The following CDH3 variants were observed in gnomAD, a reference collection of about 807,000 sequenced individuals.
CDH3 encodes the protein cadherin-3.
In CDH3, 54 loss-of-function variants were observed where a neutral mutation model predicts 82.0. The observed-to-expected ratio is 0.66, with a 90% CI of 0.53 to 0.83. The LOEUF is 0.83. Ranked by LOEUF, CDH3 falls within the 40% of genes least tolerant of loss-of-function variation. CDH3 has a pLI of 0.00. For missense variants in CDH3, 1,054 were observed against 1,084.6 expected, an observed-to-expected ratio of 0.97 and a Z score of 0.40; for synonymous variants, 446 against 437.9, an observed-to-expected ratio of 1.02 and a Z score of -0.23.
intron 12 of CDH3, among the ~76,000 whole-genome samples, chr16:68,689,138 T>C (rs1014785463): frequency 2.6e-5 from 4 of 152,240 alleles, no homozygotes; most frequent in African/African-American, 7.2e-5. Context: ...GCTAGTTACC[T>C]AACTCCCTAA....
intron 2 of CDH3, among the ~76,000 whole-genome samples, chr16:68,661,557 G>A (rs974145998): frequency 3.3e-5 from 5 of 152,186 alleles, no homozygotes; most frequent in Non-Finnish European, 5.9e-5. Context: ...AAATTGTTGG[G>A]TCATGTGACT....
At chr16:68,651,296 T>C in intron 2 of CDH3, 3 of 549,432 alleles carry the variant, frequency 5.5e-6, no homozygotes, top group South Asian at 4.1e-5. Flanking sequence ...GGAGCCGTCA[T>C]GCCCATGTGG....
chr16:68,680,128 C>T (rs1342199665), intron 7 of CDH3, among the ~76,000 whole-genome samples, 154 bp downstream of exon 7: 1 of 152,258 alleles, frequency 6.6e-6, no homozygotes, highest in East Asian at 1.9e-4. Context: ...GTTCACATGC[C>T]ATGCCCCTGG....
chr16:68,698,402 C>T lies in CDH3; in HGVS notation c.*2C>T, dbSNP rs777390548. 1.5e-5 allele frequency: 25 copies of T among 1,613,314 alleles called. No homozygotes were observed. Among genetic ancestry groups the T allele is most frequent in the Middle Eastern group, 1.8e-4 (1 of 5,706 alleles). ...TACGGTGGCGGGGAGGACGACTAGG[C>T]GGCCTGCCTGCAGGGCTGGGGACCA... On this transcript the variant is annotated 3_prime_UTR_variant, in exon 16 of 16. Transcript: ENST00000264012.
chr16:68,703,282 C>T (rs1961918702), downstream of CDH3, among the ~76,000 whole-genome samples: 1 of 152,166 alleles, frequency 6.6e-6, no homozygotes, highest in Non-Finnish European at 1.5e-5. Flanking sequence ...AATTCCCGGC[C>T]CCCCATTTCT....
chr16:68,678,138 GAA>G lies in CDH3; in HGVS notation c.252_253del (p.Arg85ValfsTer33). The G allele has an allele frequency of 6.2e-7, 1 of 1,613,936 alleles. No individual in the cohort carries two copies. The highest frequency in any genetic ancestry group is 8.5e-7 in the Non-Finnish European group (1 of 1,179,804). ...AAGGAGTTTCTCTCCTTGCAGGAAA[GAA>G]GGTCACTGAAGGAAAGGAATCCATT... On this transcript the variant is annotated frameshift_variant, in exon 4 of 16. Coordinates refer to ENST00000264012, the MANE Select transcript of CDH3 (RefSeq NM_001793.6). LOFTEE classifies it high-confidence loss of function.
At chr16:68,678,405 A>G in intron 4 of CDH3, 96 bp from the exon 5 acceptor site, 5 of 1,583,462 alleles carry the variant, frequency 3.2e-6, no homozygotes, top group Non-Finnish European at 4.3e-6. Flanking sequence ...CAGTGAGCAG[A>G]TTCTCCTATG....
At chr16:68,704,147 C>T (rs1378710808), downstream of CDH3, among the ~76,000 whole-genome samples, 1 of 151,314 alleles carries the variant, frequency 6.6e-6, no homozygotes. Flanking sequence ...ATTAGCCGGG[C>T]GTGGTGGCGG....
At chr16:68,672,746 C>T (rs1010162430) in intron 2 of CDH3, among the ~76,000 whole-genome samples, 1 of 152,176 alleles carries the variant, frequency 6.6e-6, no homozygotes, top group Non-Finnish European at 1.5e-5. Flanking sequence ...ACATTCCAGC[C>T]TTCCCACAGA....
At chr16:68,718,065 A>G (rs1311449464) in intron 1 of CDH3, among the ~76,000 whole-genome samples, 1 of 151,960 alleles carries the variant, frequency 6.6e-6, no homozygotes, top group African/African-American at 2.4e-5. Flanking sequence ...ACTGGAGTGC[A>G]GTGGCACAAT....
downstream of CDH3, among the ~76,000 whole-genome samples, chr16:68,730,749 G>A (rs925296139): frequency 1.3e-5 from 2 of 151,650 alleles, no homozygotes; most frequent in Non-Finnish European, 2.9e-5. Context: ...GGCCGGGTGT[G>A]GTGGCTCACA....
At chr16:68,728,807 C>G (rs1962254699), downstream of CDH3, among the ~76,000 whole-genome samples, 1 of 152,174 alleles carries the variant, frequency 6.6e-6, no homozygotes, top group Non-Finnish European at 1.5e-5. Flanking sequence ...CCTACAGAAG[C>G]TTAGCATCCT....
chr16:68,722,777 A>G (rs891806586), intron 2 of CDH3, among the ~76,000 whole-genome samples: 1 of 151,988 alleles, frequency 6.6e-6, no homozygotes, highest in Non-Finnish European at 1.5e-5. Context: ...TGGGACCTTC[A>G]ACACAGATTT....
At chr16:68,733,635 A>G in the CDH3 span, among the ~76,000 whole-genome samples, 2 of 152,226 alleles carry the variant, frequency 1.3e-5, no homozygotes, top group African/African-American at 4.8e-5. Flanking sequence ...ACAGCTACTC[A>G]GGAGGCTGAG....
intron 13 of CDH3, among the ~76,000 whole-genome samples, chr16:68,694,161 A>G (rs1409003493): frequency 4.6e-5 from 7 of 151,832 alleles, no homozygotes; most frequent in Admixed American, 2.0e-4. Flanking sequence ...CTCTGTTTCA[A>G]AAATAAATAA....
Position 68,698,752 on chromosome 16 carries a change from T to C in CDH3, c.*352T>C, listed in dbSNP as rs2152108202. ...GGACTTTCTCTCTGGAATGGAACCTTCTTAGGCCTCCTGGTGCAACTTAAT... is the reference window on the plus strand; with the variant it reads ...GGACTTTCTCTCTGGAATGGAACCTCCTTAGGCCTCCTGGTGCAACTTAAT... On this transcript the variant is annotated 3_prime_UTR_variant, in exon 16 of 16. Coordinates refer to ENST00000264012, the MANE Select transcript of CDH3 (RefSeq NM_001793.6). 2 of 260,762 alleles carry C rather than the reference T, an allele frequency of 7.7e-6. No homozygotes were observed. Among genetic ancestry groups the C allele is most frequent in the Middle Eastern group, 1.2e-3 (1 of 814 alleles). The allele number at this position is 260,762 out of a possible 1,614,324, so 16.2% of individuals were successfully genotyped here.
rs373243886 is a variant in CDH3 at position 68,726,272 on chromosome 16, C to T, written c.*46-881C>T. ...ATAGGCTGGCCAGAGGACCAAATGC[C>T]CCTCTGGTTCCAGCCCTGGTCACCT... On this transcript the variant is annotated intron_variant, in intron 2 of 2. Transcript: ENST00000569080. 2.0e-5 allele frequency among the ~76,000 whole-genome samples: 3 copies of T among 152,060 alleles called. No homozygotes were observed. In the East Asian group the frequency reaches 5.8e-4, roughly 29 times the overall value.
intron 13 of CDH3, 99 bp from the exon 14 acceptor site, chr16:68,695,156 G>T: frequency 8.0e-7 from 1 of 1,253,492 alleles, no homozygotes; most frequent in South Asian, 1.2e-5. Flanking sequence ...TCTGGCTACT[G>T]AGTGAGGACA....
chr16:68,691,912 T>C lies in CDH3; in HGVS notation c.1988T>C (p.Val663Ala). The C allele has an allele frequency of 6.2e-7, 1 of 1,613,030 alleles. No homozygotes were observed. Among genetic ancestry groups the C allele is most frequent in the Non-Finnish European group, 8.5e-7 (1 of 1,179,686 alleles). Residue 663 changes from valine to alanine, a missense_variant, in exon 13 of 16, where the codon GTC becomes GCC. Coordinates refer to ENST00000264012, the MANE Select transcript of CDH3 (RefSeq NM_001793.6). ...GGFILPVLGAVLALLFLLLVL... is the reference protein window; with the variant it reads ...GGFILPVLGAALALLFLLLVL... ...TTCATCCTCCCTGTGCTGGGGGCTG[T>C]CCTGGCTCTGCTGTGTGAGTACCAG...
Sources: allele counts gnomAD v4.1 joint callset (sites outside exome capture counted in the v4.1 genomes callset), GRCh38; gene constraint gnomAD v4.1.1; transcripts MANE v1.5; gene names NCBI Gene and HGNC (gene_info 2026-07-23, HGNC 2026-07-21).